The following NCALD variants were observed in gnomAD, a reference collection of about 807,000 sequenced individuals.
NCALD encodes neurocalcin delta.
Under a neutral mutation model 18.6 loss-of-function variants are expected in NCALD, and 10 were observed. The observed-to-expected ratio is 0.54, with a 90% CI of 0.33 to 0.91. NCALD has a LOEUF of 0.91. NCALD is among the 40% of genes least tolerant of loss of function. The pLI is 0.03. For synonymous variants in NCALD, 88 were observed against 87.4 expected (o/e 1.01, Z -0.04); for missense variants, 184 against 247.6 (o/e 0.74, Z 1.72).
chr8:101,863,582 T>C (rs1190728140), intron 4 of NCALD, among the ~76,000 whole-genome samples: 1 of 152,178 alleles, frequency 6.6e-6, no homozygotes, highest in Non-Finnish European at 1.5e-5. Flanking sequence ...GATTGGAAAT[T>C]TAGAGATGCT....
In NCALD at chr8:101,751,011, C is replaced by T. The variant is rs188362653; in HGVS notation, c.-19-31363G>A. On this transcript the variant is annotated intron_variant, in intron 1 of 3. Coordinates refer to ENST00000220931, the MANE Select transcript of NCALD (RefSeq NM_032041.3). The stretch of plus-strand genomic sequence containing the variant: ...TTTCTCTTTTCCATCAGAAATACAT[C>T]CAAGTGCAGAAATGACCAGTGTCAT... Among the ~76,000 whole-genome samples the T allele has an allele frequency of 2.8e-4, 43 of 152,236 alleles. 3 individuals are homozygous for T. The East Asian group carries it at 7.7e-3, about 27-fold the overall frequency.
intron 1 of NCALD, among the ~76,000 whole-genome samples, chr8:102,046,099 A>G (rs915528403): frequency 4.6e-5 from 7 of 152,244 alleles, no homozygotes; most frequent in African/African-American, 1.4e-4. Context: ...ATGTTCACCA[A>G]TTACATTAAA....
chr8:102,112,263 AC>A (rs1825663480), intron 1 of NCALD, among the ~76,000 whole-genome samples: 1 of 152,014 alleles, frequency 6.6e-6, no homozygotes, highest in South Asian at 2.1e-4. Flanking sequence ...CCTCACAGTA[AC>A]CCCATAAGGC....
intron 1 of NCALD, among the ~76,000 whole-genome samples, chr8:102,028,730 G>C (rs757558793): frequency 1.3e-5 from 2 of 152,236 alleles, no homozygotes; most frequent in Admixed American, 6.5e-5. Flanking sequence ...CTTGTGCTAA[G>C]TGACCAGAAA....
chr8:101,706,891 C>G (rs1042881608), intron 2 of NCALD, among the ~76,000 whole-genome samples: 1 of 54,926 alleles, frequency 1.8e-5, no homozygotes, highest in African/African-American at 3.2e-5. Flanking sequence ...GATAAATCCC[C>G]TGATAAGAAA....
At chr8:101,879,663 G>A (rs1269197119) in intron 4 of NCALD, among the ~76,000 whole-genome samples, 1 of 152,132 alleles carries the variant, frequency 6.6e-6, no homozygotes, top group Non-Finnish European at 1.5e-5. Context: ...ATTTTACAGA[G>A]AGCTGATTGG....
chr8:102,033,316 G>T (rs939136898), intron 1 of NCALD, among the ~76,000 whole-genome samples: 1 of 152,134 alleles, frequency 6.6e-6, no homozygotes, highest in Non-Finnish European at 1.5e-5. Context: ...ATAACCTCTT[G>T]AAAGCTTATG....
At chr8:101,858,689 T>C (rs1302638702) in intron 4 of NCALD, among the ~76,000 whole-genome samples, 1 of 152,090 alleles carries the variant, frequency 6.6e-6, no homozygotes, top group African/African-American at 2.4e-5. Flanking sequence ...TAGGGAAAAG[T>C]CTACAGTACA....
chr8:102,080,086 C>T (rs1306147658), intron 1 of NCALD, among the ~76,000 whole-genome samples: 1 of 152,194 alleles, frequency 6.6e-6, no homozygotes, highest in Admixed American at 6.5e-5. Flanking sequence ...TAGATCCCTG[C>T]TGCCACTTAC....
intron 1 of NCALD, among the ~76,000 whole-genome samples, chr8:102,042,082 A>C (rs1433364330): frequency 1.3e-5 from 2 of 152,074 alleles, no homozygotes; most frequent in Non-Finnish European, 2.9e-5. Context: ...TAGGCCTAAC[A>C]GTACACACAG....
At chr8:102,079,082 G>A (rs571847020) in intron 1 of NCALD, among the ~76,000 whole-genome samples, 32 of 152,238 alleles carry the variant, frequency 2.1e-4, no homozygotes, top group Middle Eastern at 3.4e-3. Context: ...GGAGACCACC[G>A]CTTCATTTCT....
chr8:101,816,053 C>G (rs73275572), intron 4 of NCALD, among the ~76,000 whole-genome samples: 25 of 152,202 alleles, frequency 1.6e-4, no homozygotes, highest in African/African-American at 6.0e-4. Context: ...AGGCTACATA[C>G]TGTATGATTC....
intron 1 of NCALD, among the ~76,000 whole-genome samples, chr8:102,063,100 C>T (rs1018490528): frequency 6.6e-6 from 1 of 152,088 alleles, no homozygotes; most frequent in Admixed American, 6.5e-5. Context: ...ACTAATTAAA[C>T]CCAAAACTGC....
At chr8:101,750,387 C>T (rs773401023) in intron 1 of NCALD, among the ~76,000 whole-genome samples, 7 of 152,240 alleles carry the variant, frequency 4.6e-5, no homozygotes, top group South Asian at 2.1e-4. Flanking sequence ...ACTTGATCAC[C>T]GGAGAGGCCC....
At chr8:101,696,420 G>A (rs1199328006) in intron 2 of NCALD, among the ~76,000 whole-genome samples, 3 of 152,180 alleles carry the variant, frequency 2.0e-5, no homozygotes, top group Non-Finnish European at 2.9e-5. Flanking sequence ...GAGGGTTAGG[G>A]TAGGCTTCTC....
intron 1 of NCALD, among the ~76,000 whole-genome samples, chr8:102,110,247 T>G (rs1210509308): frequency 6.6e-6 from 1 of 152,136 alleles, no homozygotes. Context: ...TCATTTTAAC[T>G]GATATGAAAA....
intron 2 of NCALD, among the ~76,000 whole-genome samples, chr8:101,711,188 A>C (rs911380030): frequency 2.0e-5 from 3 of 152,210 alleles, no homozygotes; most frequent in African/African-American, 7.2e-5. Flanking sequence ...GCCTGCTAGA[A>C]GGAAAACCAA....
chr8:101,691,822 G>A, intron 3 of NCALD: 1 of 985,412 alleles, frequency 1.0e-6, no homozygotes, highest in South Asian at 4.7e-5. Context: ...CTGTTCTATA[G>A]ATCAGCGCCA....
intron 2 of NCALD, among the ~76,000 whole-genome samples, chr8:101,999,087 A>C (rs1359539269): frequency 6.6e-6 from 1 of 151,804 alleles, no homozygotes; most frequent in African/African-American, 2.4e-5. Context: ...AAAAAAAAAA[A>C]AAAAAAAAGC....
Sources: allele counts gnomAD v4.1 joint callset (sites outside exome capture counted in the v4.1 genomes callset), GRCh38; gene constraint gnomAD v4.1.1; transcripts MANE v1.5; gene names NCBI Gene and HGNC (gene_info 2026-07-23, HGNC 2026-07-21).